Variants in GRID2 observed in about 807,000 individuals in gnomAD.
GRID2 encodes the protein glutamate ionotropic receptor delta type subunit 2.
Under a neutral mutation model 114.8 loss-of-function variants are expected in GRID2, and 33 were observed. The ratio of observed to expected loss-of-function variants is 0.29; its 90% CI spans 0.22 to 0.38. The LOEUF (loss-of-function observed/expected upper bound fraction) is 0.38. GRID2 is among the 10% of genes least tolerant of loss of function. The probability of loss-of-function intolerance (pLI) is 1.00; values close to 1 mark genes in which losing one functional copy is unlikely to be tolerated. For missense variants in GRID2, 1,184 were observed against 1,257.7 expected, an observed-to-expected ratio of 0.94 and a Z score of 0.89; for synonymous variants, 505 against 449.9, an observed-to-expected ratio of 1.12 and a Z score of -1.55.
intron 8 of GRID2, among the ~76,000 whole-genome samples, chr4:93,393,525 G>C (rs965552671): frequency 1.3e-5 from 2 of 151,884 alleles, no homozygotes; most frequent in Admixed American, 1.3e-4. Context: ...TAGAAGATTA[G>C]ATATATTTAC....
chr4:93,273,371 GA>G (rs1751704385), intron 8 of GRID2, among the ~76,000 whole-genome samples: 1 of 151,954 alleles, frequency 6.6e-6, no homozygotes, highest in Non-Finnish European at 1.5e-5. Context: ...TTTTTAAAAA[GA>G]AAAATTATTT....
chr4:93,413,337 C>G (rs1767391157), intron 9 of GRID2, among the ~76,000 whole-genome samples: 1 of 152,250 alleles, frequency 6.6e-6, no homozygotes, highest in South Asian at 2.1e-4. Context: ...TCGCATTGCT[C>G]TAATGATCAG....
At chr4:92,967,513 T>C (rs1753231820) in intron 2 of GRID2, among the ~76,000 whole-genome samples, 1 of 147,486 alleles carries the variant, frequency 6.8e-6, no homozygotes, top group African/African-American at 2.5e-5. Context: ...AAAAAATATT[T>C]TTTACCAGTA....
At chr4:92,952,178 G>C (rs778924182) in intron 2 of GRID2, among the ~76,000 whole-genome samples, 2 of 152,164 alleles carry the variant, frequency 1.3e-5, no homozygotes, top group South Asian at 4.1e-4. Context: ...GAGAGCACCT[G>C]ATTTCTACAT....
chr4:92,991,361 G>C (rs920321687), intron 2 of GRID2, among the ~76,000 whole-genome samples: 1 of 152,162 alleles, frequency 6.6e-6, no homozygotes, highest in Non-Finnish European at 1.5e-5. Flanking sequence ...TTGAATCTCA[G>C]AGTAAAGCAT....
chr4:93,369,863 T>C (rs573360654), intron 8 of GRID2, among the ~76,000 whole-genome samples: 13 of 152,186 alleles, frequency 8.5e-5, no homozygotes, highest in Non-Finnish European at 1.8e-4. Flanking sequence ...TTTACAAATA[T>C]AAAGAGCATC....
chr4:92,837,581 A>G (rs1742547177), intron 2 of GRID2, among the ~76,000 whole-genome samples: 2 of 152,138 alleles, frequency 1.3e-5, no homozygotes, highest in African/African-American at 2.4e-5. Context: ...TCTAAATAAG[A>G]TGAAAAATAT....
intron 14 of GRID2, among the ~76,000 whole-genome samples, chr4:93,661,033 T>A (rs7669474): frequency 0.57 from 87,048 of 152,028 alleles, 26,965 homozygotes; most frequent in African/African-American, 0.82. Context: ...TGTGTTGGCT[T>A]TACAAACATC....
chr4:93,681,709 G>C (rs1469616773), intron 14 of GRID2, among the ~76,000 whole-genome samples: 1 of 152,258 alleles, frequency 6.6e-6, no homozygotes, highest in East Asian at 1.9e-4. Flanking sequence ...AGTGGTGCTG[G>C]GAAAACTGGC....
At chr4:92,375,973 T>A (rs1252955759) in intron 1 of GRID2, among the ~76,000 whole-genome samples, 1 of 152,140 alleles carries the variant, frequency 6.6e-6, no homozygotes, top group Non-Finnish European at 1.5e-5. Context: ...ATTGAGTAAT[T>A]CTGAATAAGC....
intron 14 of GRID2, among the ~76,000 whole-genome samples, chr4:93,673,632 C>G (rs1724611736): frequency 6.6e-6 from 1 of 152,150 alleles, no homozygotes; most frequent in African/African-American, 2.4e-5. Context: ...TGAATGTAGA[C>G]AGATCTTTCC....
At chr4:92,992,455 T>C (rs1394883381) in intron 2 of GRID2, among the ~76,000 whole-genome samples, 2 of 152,204 alleles carry the variant, frequency 1.3e-5, no homozygotes, top group Non-Finnish European at 2.9e-5. Context: ...TATAGTTTTG[T>C]AGTTTTAAAG....
At chr4:93,325,491 A>T (rs1757730379) in intron 8 of GRID2, among the ~76,000 whole-genome samples, 1 of 151,656 alleles carries the variant, frequency 6.6e-6, no homozygotes, top group African/African-American at 2.4e-5. Flanking sequence ...TTCATTTCTT[A>T]TCTCCCTCTG....
chr4:93,713,462 T>C (rs1728656188), intron 14 of GRID2, among the ~76,000 whole-genome samples: 1 of 152,024 alleles, frequency 6.6e-6, no homozygotes, highest in African/African-American at 2.4e-5. Flanking sequence ...TATTTATGCA[T>C]TCAAATATTT....
intron 11 of GRID2, among the ~76,000 whole-genome samples, chr4:93,483,279 C>T (rs1281158961): frequency 1.3e-5 from 2 of 151,908 alleles, no homozygotes; most frequent in African/African-American, 4.8e-5. Flanking sequence ...TTTCTATTTA[C>T]TATGAGTTTT....
In GRID2 at chr4:93,216,810, T is replaced by C; in HGVS notation, c.862T>C (p.Phe288Leu). 1.9e-6 allele frequency: 3 copies of C among 1,612,548 alleles called. No homozygotes were observed. The highest frequency in any genetic ancestry group is 2.7e-5 in the African/African-American group (2 of 74,958). The change falls in exon 6 of 16, where the codon TTT (phenylalanine) becomes CTT (leucine). Residue 288 changes from phenylalanine to leucine, a missense_variant. By Grantham distance (22) the Phe-to-Leu change is conservative. Transcript: ENST00000282020. ...AAGGTTAACGATTATTCGGCAGACA[T>C]TTCCAGTTCCCCAGAACATAAGTCA... The part of the protein sequence containing the change: ...IGRLTIIRQT[F>L]PVPQNISQRC...
chr4:92,845,491 C>T (rs1743241113), intron 2 of GRID2, among the ~76,000 whole-genome samples: 1 of 152,068 alleles, frequency 6.6e-6, no homozygotes, highest in African/African-American at 2.4e-5. Context: ...TATCTCCCTA[C>T]TTTTTATTCC....
intron 12 of GRID2, among the ~76,000 whole-genome samples, chr4:93,499,857 T>A (rs556860485): frequency 6.6e-5 from 10 of 152,084 alleles, no homozygotes; most frequent in African/African-American, 2.4e-4. Context: ...GATATGTTAT[T>A]ATCATCTCTA....
At chr4:92,972,206 T>C (rs1436239956) in intron 2 of GRID2, among the ~76,000 whole-genome samples, 1 of 151,314 alleles carries the variant, frequency 6.6e-6, no homozygotes, top group African/African-American at 2.4e-5. Context: ...TGCTAGCATT[T>C]TTTTTTTTTT....
Sources: allele counts gnomAD v4.1 joint callset (sites outside exome capture counted in the v4.1 genomes callset), GRCh38; gene constraint gnomAD v4.1.1; transcripts MANE v1.5; gene names NCBI Gene and HGNC (gene_info 2026-07-23, HGNC 2026-07-21).